DPF3: variants seen among roughly 807,000 people sequenced by gnomAD.
The protein encoded by DPF3 is zinc finger protein DPF3.
Under a neutral mutation model 56.8 loss-of-function variants are expected in DPF3, and 18 were observed. The observed-to-expected ratio is 0.32, with a 90% CI of 0.22 to 0.47. The LOEUF (loss-of-function observed/expected upper bound fraction) is 0.47, where lower values mean the gene tolerates loss of function less well. Ranked by LOEUF, DPF3 falls within the 20% of genes least tolerant of loss-of-function variation. The pLI, the probability that DPF3 is intolerant of heterozygous loss-of-function variation, is 1.00. For missense variants in DPF3, 403 were observed against 488.8 expected, an observed-to-expected ratio of 0.82 and a Z score of 1.65; for synonymous variants, 188 against 180.2, an observed-to-expected ratio of 1.04 and a Z score of -0.35.
intron 8 of DPF3, among the ~76,000 whole-genome samples, chr14:72,631,717 G>A (rs77540931): frequency 2.6e-5 from 4 of 152,224 alleles, no homozygotes; most frequent in East Asian, 1.9e-4. Context: ...CAGTGGGGAT[G>A]AGCAAGATAC....
At chr14:72,884,127 C>T (rs1886424801) in intron 1 of DPF3, among the ~76,000 whole-genome samples, 1 of 152,040 alleles carries the variant, frequency 6.6e-6, no homozygotes, top group South Asian at 2.1e-4. Flanking sequence ...AAGAGCACCC[C>T]ACTCTACCAA....
Position 72,660,941 on chromosome 14 carries a change from G to C in DPF3, c.871+13299C>G, listed in dbSNP as rs1886188297. The C allele has an allele frequency of 8.1e-6, 4 of 496,216 alleles. 1 individual carries two copies. Among genetic ancestry groups the C allele is most frequent in the Non-Finnish European group, 1.0e-5 (4 of 383,036 alleles). The allele number at this position is 496,216 out of a possible 1,614,324, so 30.7% of individuals were successfully genotyped here. On this transcript the variant is annotated intron_variant, in intron 8 of 10. Transcript: ENST00000556509. ...ACAAGGTTCAACAAATCTTGGCATGGAAGTGGGAAGAATCATCTCAGGAGT... is the reference window on the plus strand; with the variant it reads ...ACAAGGTTCAACAAATCTTGGCATGCAAGTGGGAAGAATCATCTCAGGAGT...
chr14:72,701,696 A>T (rs914424531), intron 6 of DPF3, among the ~76,000 whole-genome samples: 1 of 152,182 alleles, frequency 6.6e-6, no homozygotes, highest in Non-Finnish European at 1.5e-5. Context: ...CATCAGCCCA[A>T]CTTGGAGCAC....
intron 3 of DPF3, among the ~76,000 whole-genome samples, chr14:72,742,044 C>A (rs1890143512): frequency 6.6e-6 from 1 of 152,252 alleles, no homozygotes; most frequent in African/African-American, 2.4e-5. Flanking sequence ...CCAGTCCCTG[C>A]TCCTTTCCTG....
chr14:72,677,767 T>A (rs1465593172), intron 7 of DPF3, among the ~76,000 whole-genome samples: 2 of 152,168 alleles, frequency 1.3e-5, no homozygotes, highest in African/African-American at 4.8e-5. Context: ...TGTCACCTGG[T>A]CTCATGGCCA....
intron 6 of DPF3, among the ~76,000 whole-genome samples, chr14:72,693,764 C>T (rs530171941): frequency 1.6e-3 from 241 of 152,328 alleles, no homozygotes; most frequent in African/African-American, 5.5e-3. Flanking sequence ...CCACCAGAAC[C>T]CATGTCTCCT....
chr14:72,711,682 G>T (rs975820963), intron 6 of DPF3, among the ~76,000 whole-genome samples: 8 of 152,040 alleles, frequency 5.3e-5, no homozygotes, highest in South Asian at 2.1e-4. Flanking sequence ...TCTCCCAGAC[G>T]GACAAAGCCC....
intron 1 of DPF3, chr14:72,892,117 AG>A: frequency 1.3e-6 from 2 of 1,518,350 alleles, no homozygotes; most frequent in Non-Finnish European, 1.8e-6. Flanking sequence ...CCGGGTAACT[AG>A]GGTACGGCTT....
intron 1 of DPF3, among the ~76,000 whole-genome samples, chr14:72,884,953 T>TATATATATATATATATATACAC (rs1316175906): frequency 1.4e-5 from 1 of 73,780 alleles, no homozygotes; most frequent in Non-Finnish European, 2.9e-5. Flanking sequence ...TATATATATA[T>TATATATATATATATATATACAC]ATATATATAT....
At chr14:72,662,152 G>GA (rs886900208) in intron 8 of DPF3, 51 of 978,798 alleles carry the variant, frequency 5.2e-5, no homozygotes, top group East Asian at 1.1e-4. Flanking sequence ...TTTGAAGGAG[G>GA]AAAAAAAAAC....
chr14:72,717,306 C>G (rs1888972497), intron 5 of DPF3, among the ~76,000 whole-genome samples: 1 of 152,214 alleles, frequency 6.6e-6, no homozygotes, highest in South Asian at 2.1e-4. Context: ...ACTTCTCTAA[C>G]TTTTAGTTTT....
intron 1 of DPF3, among the ~76,000 whole-genome samples, chr14:72,829,330 C>T (rs1883951887): frequency 6.6e-6 from 1 of 152,212 alleles, no homozygotes. Context: ...AAGAACCCAT[C>T]ACCAGGCATT....
chr14:72,664,424 T>C (rs1185382948), intron 8 of DPF3, among the ~76,000 whole-genome samples: 1 of 152,106 alleles, frequency 6.6e-6, no homozygotes, highest in African/African-American at 2.4e-5. Flanking sequence ...CTAACTTCCA[T>C]TTTCTCTTTT....
At chr14:72,892,468 TC>T in intron 1 of DPF3, 1 of 1,430,240 alleles carries the variant, frequency 7.0e-7, no homozygotes, top group Non-Finnish European at 9.1e-7. Flanking sequence ...ACGGCAGCTT[TC>T]ATATAAATAT....
intron 1 of DPF3, among the ~76,000 whole-genome samples, chr14:72,833,920 G>A (rs995134609): frequency 6.6e-6 from 1 of 152,218 alleles, no homozygotes; most frequent in African/African-American, 2.4e-5. Flanking sequence ...GGAAGCTCAC[G>A]CCTGTAATCC....
rs1884127128 is a variant in DPF3 at position 72,616,962 on chromosome 14, G to C, written c.*2335C>G. 6.6e-6 allele frequency among the ~76,000 whole-genome samples: 1 copy of C among 152,124 alleles called. No individual in the cohort carries two copies. Among genetic ancestry groups the C allele is most frequent in the African/African-American group, 2.4e-5 (1 of 41,418 alleles). ...CCTCCAAAGATGAAGAATGGGTTGG[G>C]CCCATTCTTCAGGGAGTAATGAAGC... On this transcript the variant is annotated 3_prime_UTR_variant, in exon 11 of 11. Coordinates refer to ENST00000556509, the MANE Select transcript of DPF3 (RefSeq NM_001280542.3).
intron 7 of DPF3, among the ~76,000 whole-genome samples, chr14:72,680,883 G>A (rs1887137698): frequency 6.6e-6 from 1 of 152,242 alleles, no homozygotes; most frequent in Non-Finnish European, 1.5e-5. Context: ...GTGATGTCCT[G>A]AGGTCCCTTT....
At chr14:72,803,763 T>C (rs1486276529) in intron 1 of DPF3, among the ~76,000 whole-genome samples, 5 of 152,338 alleles carry the variant, frequency 3.3e-5, no homozygotes, top group South Asian at 4.1e-4. Context: ...CGTGAACACA[T>C]GAATGAATGC....
intron 1 of DPF3, among the ~76,000 whole-genome samples, chr14:72,777,798 A>G (rs1432030101): frequency 6.6e-6 from 1 of 152,028 alleles, no homozygotes; most frequent in African/African-American, 2.4e-5. Context: ...GCCTTCTGCC[A>G]TGATTGTAAG....
Sources: allele counts gnomAD v4.1 joint callset (sites outside exome capture counted in the v4.1 genomes callset), GRCh38; gene constraint gnomAD v4.1.1; transcripts MANE v1.5; gene names NCBI Gene and HGNC (gene_info 2026-07-23, HGNC 2026-07-21).